Variants in SYNDIG1 observed in about 807,000 individuals in gnomAD.
SYNDIG1 encodes the protein synapse differentiation inducing 1.
Under a neutral mutation model 19.4 loss-of-function variants are expected in SYNDIG1, and 9 were observed. The ratio of observed to expected loss-of-function variants is 0.46; its 90% CI spans 0.28 to 0.81. The LOEUF (loss-of-function observed/expected upper bound fraction) is 0.81, where lower values mean the gene tolerates loss of function less well. Ranked by LOEUF, SYNDIG1 falls within the 30% of genes least tolerant of loss-of-function variation. SYNDIG1 has a pLI of 0.12. For synonymous variants in SYNDIG1, 141 were observed against 145.9 expected (o/e 0.97, Z 0.24); for missense variants, 311 against 343.3 (o/e 0.91, Z 0.74).
chr20:24,565,066 CG>C (rs1467569991), intron 2 of SYNDIG1, among the ~76,000 whole-genome samples: 2 of 152,184 alleles, frequency 1.3e-5, no homozygotes, highest in African/African-American at 4.8e-5. Context: ...CCCCTTGATA[CG>C]GTTCATCTGA....
At chr20:24,632,719 G>A (rs2059262600) in intron 3 of SYNDIG1, among the ~76,000 whole-genome samples, 1 of 152,196 alleles carries the variant, frequency 6.6e-6, no homozygotes, top group Non-Finnish European at 1.5e-5. Context: ...GGAAACAGCA[G>A]GAAGCCTTGC....
intron 3 of SYNDIG1, among the ~76,000 whole-genome samples, chr20:24,622,026 A>G (rs1389082820): frequency 6.6e-6 from 1 of 152,230 alleles, no homozygotes; most frequent in Non-Finnish European, 1.5e-5. Flanking sequence ...AAAAGTCAAG[A>G]GAACACTGAT....
At chr20:24,640,744 A>C (rs1480274239) in intron 3 of SYNDIG1, among the ~76,000 whole-genome samples, 4 of 152,190 alleles carry the variant, frequency 2.6e-5, no homozygotes, top group Non-Finnish European at 5.9e-5. Flanking sequence ...ACAAAAACAC[A>C]GGAGTCCTAG....
intron 2 of SYNDIG1, among the ~76,000 whole-genome samples, chr20:24,565,548 A>G (rs950699177): frequency 6.6e-6 from 1 of 152,158 alleles, no homozygotes; most frequent in African/African-American, 2.4e-5. Context: ...GTGTTTCTCA[A>G]TGTGGTAGAT....
intron 3 of SYNDIG1, among the ~76,000 whole-genome samples, chr20:24,661,341 A>AAGAG (rs2059584377): frequency 8.6e-6 from 1 of 116,330 alleles, no homozygotes; most frequent in African/African-American, 3.1e-5. Context: ...AGGGGGAGGA[A>AAGAG]GGAGGGAGAG....
intron 2 of SYNDIG1, among the ~76,000 whole-genome samples, chr20:24,557,777 T>G (rs79698322): frequency 6.6e-6 from 1 of 151,946 alleles, no homozygotes; most frequent in Non-Finnish European, 1.5e-5. Context: ...ACTTGAGGAG[T>G]CAGTCTGCCC....
Position 24,655,328 on chromosome 20 carries a change from A to G in SYNDIG1, c.619-10018A>G, listed in dbSNP as rs144866049. ...ACCAGTGCACTTGGCTTAGCAGTGA[A>G]CACAAAGTACGTAGTCAAAATAATG... On this transcript the variant is annotated intron_variant, in intron 3 of 3. Transcript: ENST00000376862. 5.0e-3 allele frequency among the ~76,000 whole-genome samples: 761 copies of G among 152,382 alleles called. 6 individuals are homozygous for G. In the Middle Eastern group the frequency reaches 0.061, roughly 12 times the overall value.
At chr20:24,492,350 G>C (rs1454022027) in intron 1 of SYNDIG1, among the ~76,000 whole-genome samples, 1 of 152,180 alleles carries the variant, frequency 6.6e-6, no homozygotes. Flanking sequence ...GGGTAGGCTC[G>C]GCCCCGCCGC....
intron 3 of SYNDIG1, among the ~76,000 whole-genome samples, chr20:24,632,974 G>A (rs2059266928): frequency 6.7e-6 from 1 of 149,574 alleles, no homozygotes; most frequent in South Asian, 2.1e-4. Flanking sequence ...TTTCGTTTTG[G>A]TCAATAAAGT....
chr20:24,569,023 C>T (rs142778636), intron 2 of SYNDIG1, among the ~76,000 whole-genome samples: 98 of 152,300 alleles, frequency 6.4e-4, no homozygotes, highest in Non-Finnish European at 1.2e-3. Context: ...GGGAAATTGT[C>T]CCACCCTCTG....
At chr20:24,483,628 G>A (rs1320723696) in intron 1 of SYNDIG1, among the ~76,000 whole-genome samples, 1 of 152,246 alleles carries the variant, frequency 6.6e-6, no homozygotes, top group Non-Finnish European at 1.5e-5. Flanking sequence ...TCTCCTCTGA[G>A]CACGCGTGTG....
chr20:24,525,040 A>G (rs1384316114), intron 1 of SYNDIG1, among the ~76,000 whole-genome samples: 1 of 152,170 alleles, frequency 6.6e-6, no homozygotes, highest in African/African-American at 2.4e-5. Context: ...TTAAGGCTAC[A>G]TATTTCCCTC....
chr20:24,508,566 A>G (rs118149585), intron 1 of SYNDIG1, among the ~76,000 whole-genome samples: 9,092 of 152,266 alleles, frequency 0.06, 317 homozygotes, highest in Admixed American at 0.12. Flanking sequence ...CCCAGTGAAG[A>G]AAAACATAGG....
intron 1 of SYNDIG1, among the ~76,000 whole-genome samples, chr20:24,518,510 C>A (rs2056935841): frequency 6.6e-6 from 1 of 152,196 alleles, no homozygotes; most frequent in Non-Finnish European, 1.5e-5. Flanking sequence ...AACACTGTCA[C>A]CAGCAGGGCT....
At chr20:24,621,886 A>G (rs1333975869) in intron 3 of SYNDIG1, among the ~76,000 whole-genome samples, 1 of 152,218 alleles carries the variant, frequency 6.6e-6, no homozygotes, top group African/African-American at 2.4e-5. Flanking sequence ...CTAAATCTAC[A>G]CCAAACATTG....
rs1753830205 is a variant in SYNDIG1 at position 24,543,045 on chromosome 20, G to A, written c.-53G>A. On this transcript the variant is annotated 5_prime_UTR_variant, in exon 2 of 4. Coordinates refer to ENST00000376862, the MANE Select transcript of SYNDIG1 (RefSeq NM_024893.3). ...GAGAAATGGCTTCCCTGAGGCAAGT[G>A]TAACCTACATTCCCAGCCCACCAGC... 4 of 1,578,548 alleles carry A rather than the reference G, an allele frequency of 2.5e-6. No homozygotes were observed. The highest frequency in any genetic ancestry group is 1.3e-5 in the African/African-American group (1 of 74,344).
At chr20:24,477,288 C>T (rs1358065944) in intron 1 of SYNDIG1, among the ~76,000 whole-genome samples, 1 of 152,132 alleles carries the variant, frequency 6.6e-6, no homozygotes, top group Non-Finnish European at 1.5e-5. Flanking sequence ...GCCCTACCGT[C>T]TCACCATTGA....
chr20:24,525,833 T>A (rs2057113008), intron 1 of SYNDIG1, among the ~76,000 whole-genome samples: 1 of 152,256 alleles, frequency 6.6e-6, no homozygotes, highest in African/African-American at 2.4e-5. Flanking sequence ...TGCAGTCTCC[T>A]GTTGTGATGG....
chr20:24,479,192 G>A (rs150633486), intron 1 of SYNDIG1, among the ~76,000 whole-genome samples: 4 of 152,288 alleles, frequency 2.6e-5, no homozygotes, highest in African/African-American at 7.2e-5. Flanking sequence ...AAATCAGAGG[G>A]TCTCTGTCTC....
Sources: gnomAD v4.1 joint callset for allele counts (sites outside exome capture counted in the v4.1 genomes callset) on GRCh38, gnomAD v4.1.1 for gene constraint, MANE v1.5 for transcripts, NCBI Gene and HGNC (gene_info 2026-07-23, HGNC 2026-07-21) for gene names.